Variants in KSR2 observed in about 807,000 individuals in gnomAD.
KSR2 encodes kinase suppressor of ras 2.
A neutral mutation model predicts 107.8 loss-of-function variants in KSR2; 25 were observed. The observed-to-expected ratio is 0.23, with a 90% CI of 0.17 to 0.32. The LOEUF is 0.32. KSR2 is among the 10% of genes least tolerant of loss of function. The pLI is 1.00. For missense variants in KSR2, 887 were observed against 1,268.9 expected (o/e 0.70, Z 4.57); for synonymous variants, 480 against 507.0 (o/e 0.95, Z 0.71).
intron 3 of KSR2, among the ~76,000 whole-genome samples, chr12:117,826,024 GGGAT>G (rs1242095835): frequency 6.7e-6 from 1 of 149,910 alleles, no homozygotes; most frequent in African/African-American, 2.5e-5. Flanking sequence ...GATGCATGGA[GGGAT>G]GGATGGATGG....
intron 4 of KSR2, among the ~76,000 whole-genome samples, chr12:117,671,476 T>C (rs536440823): frequency 1.4e-3 from 217 of 152,366 alleles, no homozygotes; most frequent in African/African-American, 5.1e-3. Context: ...TTCATTTTCC[T>C]ATCCTTGGCA....
intron 7 of KSR2, among the ~76,000 whole-genome samples, chr12:117,569,428 G>A (rs575096749): frequency 6.6e-6 from 1 of 152,310 alleles, no homozygotes; most frequent in South Asian, 2.1e-4. Flanking sequence ...CTGCAGGCAG[G>A]AGGAAAGAGG....
chr12:117,809,131 T>C (rs56918257), intron 3 of KSR2, among the ~76,000 whole-genome samples: 1 of 151,974 alleles, frequency 6.6e-6, no homozygotes, highest in Non-Finnish European at 1.5e-5. Context: ...ACTTCTACCA[T>C]ATTCAGCTAC....
Position 117,458,448 on chromosome 12 carries a change from T to G in KSR2, c.*8751A>C, listed in dbSNP as rs988747820. The G allele has an allele frequency of 3.3e-5, 5 of 152,138 alleles. No individual in the cohort carries two copies. The highest frequency in any genetic ancestry group is 7.3e-5 in the Non-Finnish European group (5 of 68,034). The allele number at this position is 152,138 out of a possible 1,614,324, so 9.4% of individuals were successfully genotyped here. A position where few individuals can be genotyped will look rare whatever the true frequency, so the allele number is the denominator to read the frequency against. ...TGGAAAAGAAAAACTAAGATTTGTT[T>G]TTAATCATTAGACTTTCAAATTTAA... is the stretch of plus-strand genomic sequence containing the variant. On this transcript the variant is annotated 3_prime_UTR_variant, in exon 20 of 20. Transcript: ENST00000339824.
chr12:117,698,968 A>G (rs1447337456), intron 4 of KSR2, among the ~76,000 whole-genome samples: 2 of 152,170 alleles, frequency 1.3e-5, no homozygotes, highest in Non-Finnish European at 2.9e-5. Flanking sequence ...TTCTCTGCCT[A>G]AATAAGCCCT....
intron 14 of KSR2, among the ~76,000 whole-genome samples, chr12:117,502,959 A>C (rs1873466182): frequency 6.6e-6 from 1 of 152,214 alleles, no homozygotes; most frequent in African/African-American, 2.4e-5. Flanking sequence ...TGGGTGGGCA[A>C]GATATTGGGG....
In KSR2 at chr12:117,531,688, G is replaced by A. The variant is rs930304338; in HGVS notation, c.1707C>T (p.Tyr569=). ...FNLPASHYYK[Y]KQQFIFPDVV... ...CACCTGGGAAGATGAACTGCTGCTT[G>A]TATTTGTAGTAGTGGGATGCTTGCA... The change falls in exon 11 of 20, where the codon TAC becomes TAT. Residue 569 remains tyrosine (Y), a synonymous_variant. Coordinates refer to ENST00000339824, the MANE Select transcript of KSR2 (RefSeq NM_173598.6). 1.2e-6 allele frequency: 2 copies of A among 1,602,140 alleles called. No individual in the cohort carries two copies. Among genetic ancestry groups the A allele is most frequent in the East Asian group, 2.3e-5 (1 of 43,844 alleles).
chr12:117,562,782 G>A (rs1233657020), intron 7 of KSR2, among the ~76,000 whole-genome samples: 1 of 152,090 alleles, frequency 6.6e-6, no homozygotes, highest in Admixed American at 6.6e-5. Flanking sequence ...AGGAGTGGGA[G>A]ACCGAACACT....
chr12:117,549,029 G>A (rs553128433), intron 9 of KSR2, among the ~76,000 whole-genome samples: 47 of 152,284 alleles, frequency 3.1e-4, no homozygotes, highest in African/African-American at 1.0e-3. Context: ...TACTATTTTA[G>A]GCAAGGTTAT....
intron 14 of KSR2, among the ~76,000 whole-genome samples, chr12:117,497,315 G>A (rs1386506067): frequency 3.3e-5 from 5 of 152,156 alleles, no homozygotes; most frequent in African/African-American, 1.2e-4. Flanking sequence ...TAGGGCAATA[G>A]AGAAACAAAC....
intron 5 of KSR2, among the ~76,000 whole-genome samples, chr12:117,632,914 C>A (rs1296013295): frequency 6.6e-6 from 1 of 152,124 alleles, no homozygotes; most frequent in Non-Finnish European, 1.5e-5. Flanking sequence ...GTACATGTAC[C>A]ACATTTTCTG....
At position 117,671,325 on chromosome 12, in the gene KSR2, T is replaced by C. The variant is rs531265620; in HGVS notation, c.987-3667A>G. ...TCTCAGTTCTCTCTCTCTCGATTGA[T>C]TGATCATTAGATAGATAGATAGATA... On this transcript the variant is annotated intron_variant, in intron 4 of 19. Transcript: ENST00000339824. 2.0e-5 allele frequency among the ~76,000 whole-genome samples: 3 copies of C among 152,208 alleles called. No homozygotes were observed. In the South Asian group the frequency reaches 6.2e-4, roughly 32 times the overall value.
chr12:117,595,351 C>CTTTTTTTTTTTTTT (rs71099060), intron 5 of KSR2, among the ~76,000 whole-genome samples: 1 of 94,584 alleles, frequency 1.1e-5, no homozygotes, highest in African/African-American at 4.3e-5. Context: ...AGATCAAATT[C>CTTTTTTTTTTTTTT]TTTTTTTTTT....
chr12:117,645,519 A>G (rs1883576495), intron 5 of KSR2, among the ~76,000 whole-genome samples: 1 of 152,212 alleles, frequency 6.6e-6, no homozygotes, highest in African/African-American at 2.4e-5. Flanking sequence ...TCTCCTCACT[A>G]TAGACCCCTG....
At chr12:117,703,296 C>A (rs1236257134) in intron 4 of KSR2, among the ~76,000 whole-genome samples, 2 of 152,206 alleles carry the variant, frequency 1.3e-5, no homozygotes, top group Non-Finnish European at 2.9e-5. Context: ...GGAGCAACGA[C>A]AGTGTGCTAG....
intron 3 of KSR2, among the ~76,000 whole-genome samples, chr12:117,780,394 T>A (rs1249162158): frequency 6.6e-6 from 1 of 152,200 alleles, no homozygotes; most frequent in African/African-American, 2.4e-5. Context: ...AGTAAGGAAG[T>A]TCTGATACAT....
At position 117,465,711 on chromosome 12, in the gene KSR2, C is replaced by G. The variant is rs903019365; in HGVS notation, c.*1488G>C. 1 of 140,554 alleles carries G rather than the reference C, an allele frequency of 7.1e-6. No homozygotes were observed. The highest frequency in any genetic ancestry group is 1.6e-5 in the Non-Finnish European group (1 of 62,532). 8.7% of individuals were successfully genotyped at this position (140,554 alleles called of 1,614,324 possible). A position where few individuals can be genotyped will look rare whatever the true frequency, so the allele number is the denominator to read the frequency against. ...CAAGAAAACTAAGGCCCAGGTAGTA[C>G]CCAGGAAACACAGAGGGGCTGTGGC... is the stretch of plus-strand genomic sequence containing the variant. On this transcript the variant is annotated 3_prime_UTR_variant, in exon 20 of 20. Coordinates refer to ENST00000339824, the MANE Select transcript of KSR2 (RefSeq NM_173598.6).
chr12:117,779,315 A>G (rs1020311630), intron 3 of KSR2, among the ~76,000 whole-genome samples: 1 of 152,230 alleles, frequency 6.6e-6, no homozygotes, highest in Non-Finnish European at 1.5e-5. Flanking sequence ...TTCTTGCCAC[A>G]GCATGTAGAA....
At position 117,659,290 on chromosome 12, in the gene KSR2, T is replaced by C. The variant is rs886434029; in HGVS notation, c.1171+8184A>G. 2.6e-5 allele frequency among the ~76,000 whole-genome samples: 4 copies of C among 152,120 alleles called. No individual in the cohort carries two copies. The South Asian group carries it at 8.3e-4, about 32-fold the overall frequency. ...AGCAATCATAACAAAAGGGCTGAGG[T>C]TGTCTACTGCATGCTGAGCCCAAAC... On this transcript the variant is annotated intron_variant, in intron 5 of 19. Coordinates refer to ENST00000339824, the MANE Select transcript of KSR2 (RefSeq NM_173598.6).
Sources: allele counts gnomAD v4.1 joint callset (sites outside exome capture counted in the v4.1 genomes callset), GRCh38; gene constraint gnomAD v4.1.1; transcripts MANE v1.5; gene names NCBI Gene and HGNC (gene_info 2026-07-23, HGNC 2026-07-21).